The following APLF variants were observed in gnomAD, a reference collection of about 807,000 sequenced individuals.
APLF encodes aprataxin and PNKP like factor, also known as aprataxin and PNK-like factor.
Under a neutral mutation model 55.6 loss-of-function variants are expected in APLF, and 61 were observed. The observed-to-expected ratio is 1.10, with a 90% CI of 0.89 to 1.36. APLF has a LOEUF of 1.36. APLF is among the 40% of genes most tolerant of loss of function. The pLI, the probability that APLF is intolerant of heterozygous loss-of-function variation, is 0.00. For synonymous variants in APLF, 207 were observed against 214.8 expected (o/e 0.96, Z 0.32); for missense variants, 611 against 602.5 (o/e 1.01, Z -0.15).
chr2:68,472,114 A>T (rs1032013092), intron 1 of APLF, among the ~76,000 whole-genome samples: 3 of 152,220 alleles, frequency 2.0e-5, no homozygotes, highest in Admixed American at 6.5e-5. Context: ...TCAGGTTAAG[A>T]TAAAGGATTG....
chr2:68,556,925 C>A (rs1170761676), intron 8 of APLF, among the ~76,000 whole-genome samples: 1 of 152,124 alleles, frequency 6.6e-6, no homozygotes, highest in Non-Finnish European at 1.5e-5. Flanking sequence ...AAGCACAATT[C>A]CATTTTCTCA....
chr2:68,519,076 T>TATATAATTAATATATAATA (rs1669805491), intron 5 of APLF, among the ~76,000 whole-genome samples: 3 of 125,816 alleles, frequency 2.4e-5, no homozygotes, highest in African/African-American at 8.8e-5. Context: ...ATAATAATAA[T>TATATAATTAATATATAATA]ATAATATATA....
chr2:68,469,222 A>G (rs1396103777), intron 1 of APLF, among the ~76,000 whole-genome samples: 1 of 152,070 alleles, frequency 6.6e-6, no homozygotes, highest in Non-Finnish European at 1.5e-5. Flanking sequence ...TTAAATTCGT[A>G]GGTTTGAAAC....
chr2:68,477,134 T>G (rs1675806118), intron 1 of APLF, among the ~76,000 whole-genome samples: 1 of 152,162 alleles, frequency 6.6e-6, no homozygotes, highest in Non-Finnish European at 1.5e-5. Context: ...GTGTACATAG[T>G]GCCATTTGCA....
At chr2:68,505,184 A>G (rs758034394) in intron 3 of APLF, among the ~76,000 whole-genome samples, 4 of 152,188 alleles carry the variant, frequency 2.6e-5, no homozygotes, top group South Asian at 2.1e-4. Context: ...CTTATCATAC[A>G]TGTATGAAGC....
intron 2 of APLF, among the ~76,000 whole-genome samples, chr2:68,501,703 T>C (rs1676727537): frequency 6.6e-6 from 1 of 152,194 alleles, no homozygotes; most frequent in Non-Finnish European, 1.5e-5. Context: ...TTGAGATCTG[T>C]TTACTACTTT....
chr2:68,510,127 T>C (rs899129618), intron 3 of APLF, among the ~76,000 whole-genome samples: 5 of 149,592 alleles, frequency 3.3e-5, no homozygotes, highest in Non-Finnish European at 1.5e-5. Flanking sequence ...AAATGACGAG[T>C]TAATGGGTGC....
intron 5 of APLF, 23 bp from the exon 6 acceptor site, chr2:68,526,038 T>A: frequency 6.4e-7 from 1 of 1,572,336 alleles, no homozygotes; most frequent in Non-Finnish European, 8.6e-7. Context: ...GATAATTTTC[T>A]TCTTTTTCTT....
At position 68,467,630 on chromosome 2, in the gene APLF, G is replaced by A. The variant is rs551800825; in HGVS notation, c.-102G>A. The A allele has an allele frequency of 3.8e-4, 380 of 988,636 alleles. No individual in the cohort carries two copies. In the African/African-American group the frequency reaches 5.9e-3, roughly 15 times the overall value. The allele number at this position is 988,636 out of a possible 1,614,324, so 61.2% of individuals were successfully genotyped here. A position where few individuals can be genotyped will look rare whatever the true frequency, so the allele number is the denominator to read the frequency against. On this transcript the variant is annotated 5_prime_UTR_variant, in exon 1 of 10. It adds an upstream start codon to the 5' untranslated region. Transcript: ENST00000303795. ...GGGGAGCCTTTGAGGCCCTCCCTCG[G>A]TGTTTTTTCCCAGGGCGTGGGCTTG...
chr2:68,555,519 C>T (rs191024572), intron 8 of APLF, among the ~76,000 whole-genome samples: 1 of 152,082 alleles, frequency 6.6e-6, no homozygotes, highest in Non-Finnish European at 1.5e-5. Flanking sequence ...AGACAATTTT[C>T]AAAAGAGGAT....
chr2:68,518,250 A>C (rs1386868888), intron 5 of APLF, among the ~76,000 whole-genome samples: 1 of 118,846 alleles, frequency 8.4e-6, no homozygotes, highest in African/African-American at 3.4e-5. Context: ...TATAATGTTA[A>C]TATATTATGA....
chr2:68,486,817 A>G (rs537553125), intron 1 of APLF, among the ~76,000 whole-genome samples: 7 of 152,250 alleles, frequency 4.6e-5, no homozygotes, highest in African/African-American at 7.2e-5. Context: ...GCTTTCTAAG[A>G]TGTGAAATAT....
intron 6 of APLF, among the ~76,000 whole-genome samples, chr2:68,533,747 A>C (rs1343633393): frequency 6.6e-6 from 1 of 152,174 alleles, no homozygotes; most frequent in Non-Finnish European, 1.5e-5. Context: ...TTCACCTGAC[A>C]TCTGGGCCCC....
intron 8 of APLF, among the ~76,000 whole-genome samples, chr2:68,557,108 T>C (rs1671038242): frequency 6.6e-6 from 1 of 152,176 alleles, no homozygotes; most frequent in Non-Finnish European, 1.5e-5. Context: ...GGGGATTGGT[T>C]CCAGGACCCC....
At chr2:68,560,002 C>T (rs147459923) in intron 8 of APLF, among the ~76,000 whole-genome samples, 131 of 152,164 alleles carry the variant, frequency 8.6e-4, no homozygotes, top group African/African-American at 3.0e-3. Flanking sequence ...AATATCCTAG[C>T]TTGTTTTCAC....
intron 5 of APLF, among the ~76,000 whole-genome samples, chr2:68,525,419 T>C (rs1041731300): frequency 6.6e-6 from 1 of 152,208 alleles, no homozygotes; most frequent in Non-Finnish European, 1.5e-5. Context: ...GAAATTCAAT[T>C]CTACAATTAA....
At chr2:68,509,037 G>A (rs1676961857) in intron 3 of APLF, among the ~76,000 whole-genome samples, 1 of 151,968 alleles carries the variant, frequency 6.6e-6, no homozygotes, top group Admixed American at 6.6e-5. Flanking sequence ...GCTGAAACTG[G>A]ATCCCTTCCT....
chr2:68,510,228 T>C (rs576221018), intron 3 of APLF, among the ~76,000 whole-genome samples: 1 of 151,554 alleles, frequency 6.6e-6, no homozygotes, highest in East Asian at 1.9e-4. Context: ...AAAAAAATAA[T>C]AATATACAAA....
chr2:68,563,922 A>G (rs1671228634), intron 8 of APLF, among the ~76,000 whole-genome samples: 1 of 152,080 alleles, frequency 6.6e-6, no homozygotes, highest in African/African-American at 2.4e-5. Context: ...CACTTGAAAA[A>G]TCTTGATGAA....
Sources: gnomAD v4.1 joint callset for allele counts (sites outside exome capture counted in the v4.1 genomes callset) on GRCh38, gnomAD v4.1.1 for gene constraint, MANE v1.5 for transcripts, NCBI Gene and HGNC (gene_info 2026-07-23, HGNC 2026-07-21) for gene names.